Variants in MAP4K5 observed in about 807,000 individuals in gnomAD.
MAP4K5 encodes the protein mitogen-activated protein kinase kinase kinase kinase 5.
A neutral mutation model predicts 135.6 loss-of-function variants in MAP4K5; 82 were observed. That is an observed-to-expected ratio of 0.60 (90% CI 0.51 to 0.73). The LOEUF (loss-of-function observed/expected upper bound fraction) is 0.73, where lower values mean the gene tolerates loss of function less well. Among genes scored for constraint, MAP4K5 ranks in the 30% least tolerant of loss-of-function variants. The pLI is 0.00. For missense variants in MAP4K5, 907 were observed against 1,010.9 expected (o/e 0.90, Z 1.39); for synonymous variants, 347 against 335.0 (o/e 1.04, Z -0.39).
chr14:50,477,169 T>C (rs2037120748), intron 6 of MAP4K5, among the ~76,000 whole-genome samples: 1 of 152,222 alleles, frequency 6.6e-6, no homozygotes, highest in South Asian at 2.1e-4. Context: ...AGGAGTTTTG[T>C]AGTTTTCTGT....
At chr14:50,540,697 G>T (rs565726140) in intron 2 of MAP4K5, among the ~76,000 whole-genome samples, 88 of 152,278 alleles carry the variant, frequency 5.8e-4, no homozygotes, top group Middle Eastern at 3.4e-3. Flanking sequence ...CCACTCTGGA[G>T]TTATTTTTCC....
chr14:50,538,600 C>T (rs2038522710), intron 2 of MAP4K5, among the ~76,000 whole-genome samples: 1 of 152,190 alleles, frequency 6.6e-6, no homozygotes, highest in Non-Finnish European at 1.5e-5. Flanking sequence ...CCAAAGTTTG[C>T]CCACACCTCA....
chr14:50,481,295 T>C (rs903953224), intron 6 of MAP4K5, among the ~76,000 whole-genome samples: 6 of 149,132 alleles, frequency 4.0e-5, no homozygotes, highest in African/African-American at 2.4e-5. Flanking sequence ...CACATCTCTA[T>C]ATATATATAT....
intron 6 of MAP4K5, among the ~76,000 whole-genome samples, chr14:50,478,751 C>T (rs1470712596): frequency 2.6e-5 from 4 of 152,052 alleles, no homozygotes; most frequent in Non-Finnish European, 5.9e-5. Flanking sequence ...GTGACTTGTT[C>T]TTTCAGTGTT....
In MAP4K5 at chr14:50,507,575, A is replaced by T. The variant is rs1263406703; in HGVS notation, c.109-2718T>A. ...TTTGTTCTCATTGGTTTCAAAGAAC[A>T]TCTTTATTTCTGCCTTCATTTCGTT... On this transcript the variant is annotated intron_variant, in intron 2 of 32. Transcript: ENST00000682126. 1.3e-5 allele frequency among the ~76,000 whole-genome samples: 2 copies of T among 152,178 alleles called. 1 individual carries two copies. Among genetic ancestry groups the T allele is most frequent in the Admixed American group, 1.3e-4 (2 of 15,266 alleles).
intron 2 of MAP4K5, among the ~76,000 whole-genome samples, chr14:50,513,718 G>C (rs531276511): frequency 4.7e-4 from 72 of 152,268 alleles, no homozygotes; most frequent in African/African-American, 1.7e-3. Flanking sequence ...TCCTACCCCA[G>C]ACAACTTTCT....
At chr14:50,545,882 A>G (rs1432824281) in intron 1 of MAP4K5, among the ~76,000 whole-genome samples, 3 of 152,224 alleles carry the variant, frequency 2.0e-5, no homozygotes, top group Non-Finnish European at 2.9e-5. Context: ...TGATGGCCAA[A>G]TTACAGCAAG....
At chr14:50,423,605 A>T (rs2035780936) in intron 31 of MAP4K5, among the ~76,000 whole-genome samples, 2 of 151,890 alleles carry the variant, frequency 1.3e-5, no homozygotes. Context: ...GTATCTACAG[A>T]AGTATTTAAA....
chr14:50,464,986 G>A (rs575866701), intron 11 of MAP4K5, among the ~76,000 whole-genome samples: 39 of 152,276 alleles, frequency 2.6e-4, no homozygotes, highest in African/African-American at 8.4e-4. Flanking sequence ...CATTCCTGCC[G>A]TAAAACCGTT....
At chr14:50,504,760 G>T in intron 3 of MAP4K5, 40 bp downstream of exon 3, 1 of 1,400,202 alleles carries the variant, frequency 7.1e-7, no homozygotes, top group Non-Finnish European at 9.7e-7. Flanking sequence ...AAGAAATATG[G>T]AAAACCCTCA....
chr14:50,426,742 AAAAAT>A (rs1278538697), intron 30 of MAP4K5, among the ~76,000 whole-genome samples: 2 of 152,182 alleles, frequency 1.3e-5, no homozygotes, highest in African/African-American at 2.4e-5. Flanking sequence ...TAAATAAATA[AAAAAT>A]AAAATAAAAT....
chr14:50,438,687 C>T (rs148611689), intron 23 of MAP4K5, among the ~76,000 whole-genome samples: 1 of 152,106 alleles, frequency 6.6e-6, no homozygotes, highest in Non-Finnish European at 1.5e-5. Context: ...AGAAAACATA[C>T]ATATATACAC....
intron 13 of MAP4K5, 48 bp from the exon 14 acceptor site, chr14:50,456,642 A>G: frequency 8.3e-7 from 1 of 1,207,848 alleles, no homozygotes; most frequent in South Asian, 1.5e-5. Context: ...TTCAATGAGA[A>G]AGTTAAAAGG....
At chr14:50,482,161 T>A (rs1433695251) in intron 6 of MAP4K5, among the ~76,000 whole-genome samples, 200 bp downstream of exon 6, 1 of 152,234 alleles carries the variant, frequency 6.6e-6, no homozygotes, top group African/African-American at 2.4e-5. Context: ...AATGAATTCA[T>A]GTGATTCATT....
chr14:50,503,694 T>G (rs1213582824), intron 3 of MAP4K5, among the ~76,000 whole-genome samples: 1 of 152,090 alleles, frequency 6.6e-6, no homozygotes, highest in African/African-American at 2.4e-5. Context: ...AGCCATACCC[T>G]CAAGTCAAGT....
chr14:50,557,060 G>A (rs565082118), intron 1 of MAP4K5, among the ~76,000 whole-genome samples: 5 of 152,284 alleles, frequency 3.3e-5, no homozygotes, highest in South Asian at 4.1e-4. Flanking sequence ...TTGAGGAACT[G>A]CTAGACTTTT....
chr14:50,468,543 C>T (rs2036883839), intron 10 of MAP4K5, 108 bp downstream of exon 10: 1 of 1,146,552 alleles, frequency 8.7e-7, no homozygotes, highest in Non-Finnish European at 1.2e-6. Context: ...CCTTACAATA[C>T]CTTTACTATT....
intron 2 of MAP4K5, among the ~76,000 whole-genome samples, chr14:50,505,518 G>T (rs1369130269): frequency 6.6e-6 from 1 of 152,108 alleles, no homozygotes; most frequent in Non-Finnish European, 1.5e-5. Flanking sequence ...ATGTCTAGAA[G>T]AGAAACTATT....
At position 50,494,919 on chromosome 14, in the gene MAP4K5, C is replaced by T. The variant is rs552524199; in HGVS notation, c.167-8725G>A. Among the ~76,000 whole-genome samples the T allele has an allele frequency of 6.2e-4, 94 of 152,202 alleles. 1 individual carries two copies. The South Asian group carries it at 7.7e-3, about 12-fold the overall frequency. ...AGTTGGACCCCTGCCTTAAACCATACACAAAACTTAAAATGATTTAAAGAT... is the reference window on the plus strand; with the variant it reads ...AGTTGGACCCCTGCCTTAAACCATATACAAAACTTAAAATGATTTAAAGAT... On this transcript the variant is annotated intron_variant, in intron 3 of 32. Transcript: ENST00000682126.
Sources: gnomAD v4.1 joint callset for allele counts (sites outside exome capture counted in the v4.1 genomes callset) on GRCh38, gnomAD v4.1.1 for gene constraint, MANE v1.5 for transcripts, NCBI Gene and HGNC (gene_info 2026-07-23, HGNC 2026-07-21) for gene names.